TNNT3: variants seen among roughly 807,000 people sequenced by gnomAD.
TNNT3 encodes the protein troponin T3, fast skeletal type, also known as troponin T, fast skeletal muscle.
Under a neutral mutation model 54.2 loss-of-function variants are expected in TNNT3, and 36 were observed. The observed-to-expected ratio is 0.66, with a 90% CI of 0.51 to 0.88. The LOEUF (loss-of-function observed/expected upper bound fraction) is 0.88, where lower values mean the gene tolerates loss of function less well. Ranked by LOEUF, TNNT3 falls within the 40% of genes least tolerant of loss-of-function variation. The probability of loss-of-function intolerance (pLI) is 0.00; values close to 1 mark genes in which losing one functional copy is unlikely to be tolerated. For missense variants in TNNT3, 291 were observed against 331.6 expected (o/e 0.88, Z 0.95); for synonymous variants, 120 against 109.7 (o/e 1.09, Z -0.59).
At chr11:1,936,335 T>C in intron 14 of TNNT3, 1 of 1,506,988 alleles carries the variant, frequency 6.6e-7, no homozygotes, top group South Asian at 1.1e-5. Flanking sequence ...GGCAAAAACC[T>C]GGATCGCTCA....
intron 8 of TNNT3, among the ~76,000 whole-genome samples, chr11:1,930,047 C>T (rs561929640): frequency 4.7e-4 from 72 of 152,214 alleles, no homozygotes; most frequent in Non-Finnish European, 7.8e-4. Flanking sequence ...TTCGGAGGGA[C>T]GCTCAGAGCG....
chr11:1,935,260 G>T, intron 14 of TNNT3: 1 of 395,746 alleles, frequency 2.5e-6, no homozygotes, highest in Non-Finnish European at 4.8e-6. Context: ...TAAGCTTATA[G>T]AAAGTCCCCA....
At chr11:1,925,270 G>C in intron 5 of TNNT3, 154 bp downstream of exon 5, 2 of 1,603,828 alleles carry the variant, frequency 1.2e-6, no homozygotes, top group Non-Finnish European at 1.7e-6. Context: ...AGAAGTCCAT[G>C]AGGAAGGTAT....
chr11:1,933,893 G>C, intron 10 of TNNT3, 38 bp from the exon 11 acceptor site: 1 of 1,611,868 alleles, frequency 6.2e-7, no homozygotes, highest in Non-Finnish European at 8.5e-7. Context: ...CGGAGGAGCC[G>C]GGGACAGGGC....
chr11:1,935,765 G>A lies in TNNT3; in HGVS notation c.681+846G>A, dbSNP rs565438651. On this transcript the variant is annotated intron_variant, in intron 14 of 15. Coordinates refer to ENST00000278317, the MANE Select transcript of TNNT3 (RefSeq NM_006757.4). ...CCAGGGGAGGGCGGCTGTGCCCACG[G>A]GGCTTGTGCTCTACCCAGGTGCAGC... 5.9e-5 allele frequency among the ~76,000 whole-genome samples: 9 copies of A among 152,062 alleles called. No homozygotes were observed. In the East Asian group the frequency reaches 1.8e-3, roughly 30 times the overall value.
chr11:1,930,209 G>A (rs1012693978), intron 8 of TNNT3, among the ~76,000 whole-genome samples: 1 of 152,132 alleles, frequency 6.6e-6, no homozygotes, highest in African/African-American at 2.4e-5. Context: ...GGGTGGGAGA[G>A]AGTTGAGGAA....
At chr11:1,935,142 G>A (rs1854597176) in intron 14 of TNNT3, 5 of 620,856 alleles carry the variant, frequency 8.1e-6, no homozygotes, top group African/African-American at 1.8e-5. Context: ...AGCGCCCTGA[G>A]CGATGAACCT....
chr11:1,936,101 G>T, intron 14 of TNNT3: 8 of 1,200,906 alleles, frequency 6.7e-6, no homozygotes, highest in Non-Finnish European at 9.8e-6. Flanking sequence ...GGCCACAGCG[G>T]GCCCCCAGGG....
intron 6 of TNNT3, among the ~76,000 whole-genome samples, chr11:1,927,507 A>T (rs1851956990): frequency 6.6e-6 from 1 of 151,966 alleles, no homozygotes; most frequent in African/African-American, 2.4e-5. Flanking sequence ...AGCCTCGGAG[A>T]GGCCCCTGGA....
At chr11:1,927,610 G>T (rs781206435) in intron 6 of TNNT3, among the ~76,000 whole-genome samples, 3 of 152,168 alleles carry the variant, frequency 2.0e-5, no homozygotes, top group African/African-American at 7.2e-5. Flanking sequence ...TTGCTGGGCC[G>T]CTCTGGAACC....
rs181586935 is a variant in TNNT3 at position 1,929,878 on chromosome 11, G to C, written c.125+50G>C. The C allele has an allele frequency of 3.3e-3, 4,939 of 1,503,826 alleles. 147 individuals are homozygous for C. The African/African-American group carries it at 0.056, about 17-fold the overall frequency. 93.2% of individuals were successfully genotyped at this position (1,503,826 alleles called of 1,614,324 possible). On this transcript the variant is annotated intron_variant, in intron 8 of 15. Transcript: ENST00000278317. ...CGCTGCTGAGTGTGTTCTGGGGTGG[G>C]GGTGGTCAAGTGAGTGTGGGGTCCT... is the stretch of plus-strand genomic sequence containing the variant.
intron 1 of TNNT3, 160 bp from the exon 2 acceptor site, chr11:1,922,697 C>G (rs1047574699): frequency 2.6e-5 from 18 of 694,048 alleles, no homozygotes; most frequent in Non-Finnish European, 4.4e-5. Flanking sequence ...AGGGGAGGCC[C>G]AAGGAGGTGG....
At chr11:1,927,143 G>A (rs1471595182) in intron 6 of TNNT3, among the ~76,000 whole-genome samples, 3 of 152,204 alleles carry the variant, frequency 2.0e-5, no homozygotes, top group South Asian at 2.1e-4. Flanking sequence ...GTAGGGAGGG[G>A]TGAGGTGGAA....
chr11:1,924,170 C>T (rs1208385627), intron 4 of TNNT3, among the ~76,000 whole-genome samples: 1 of 152,184 alleles, frequency 6.6e-6, no homozygotes, highest in Non-Finnish European at 1.5e-5. Flanking sequence ...CCCCATTTCT[C>T]CACCTCCATC....
intron 7 of TNNT3, among the ~76,000 whole-genome samples, 167 bp downstream of exon 7, chr11:1,929,310 G>A (rs184907842): frequency 1.7e-4 from 26 of 152,216 alleles, no homozygotes; most frequent in Non-Finnish European, 1.5e-4. Context: ...TGCTCCGCAC[G>A]GTGCCGCTGG....
intron 3 of TNNT3, 137 bp from the exon 4 acceptor site, chr11:1,923,418 C>T (rs970586548): frequency 1.2e-5 from 12 of 961,970 alleles, no homozygotes; most frequent in Middle Eastern, 4.3e-4. Flanking sequence ...GGCCCGAGGA[C>T]CCCTGATTCC....
Position 1,933,976 on chromosome 11 carries a change from GAGA to G in TNNT3, c.337_339del (p.Lys113del), listed in dbSNP as rs1435275589. Reference sequence around the variant, plus strand: ...AGCGGAGCAGCAGAGGATTCGTGCAGAGAAGGAGAGGGAGCGCCAGAACAGACT... The same window carrying G: ...AGCGGAGCAGCAGAGGATTCGTGCAGAGGAGAGGGAGCGCCAGAACAGACT... On this transcript the variant is annotated inframe_deletion, in exon 11 of 16. Transcript: ENST00000278317. The G allele has an allele frequency of 3.7e-6, 6 of 1,612,504 alleles. No homozygotes were observed. The highest frequency in any genetic ancestry group is 1.7e-5 in the Admixed American group (1 of 59,994).
At chr11:1,929,881 T>G (rs1589952705) in intron 8 of TNNT3, 53 bp downstream of exon 8, 8 of 1,465,214 alleles carry the variant, frequency 5.5e-6, no homozygotes, top group African/African-American at 1.6e-5. Flanking sequence ...GGGGTGGGGG[T>G]GGTCAAGTGA....
chr11:1,934,406 G>A lies in TNNT3; in HGVS notation c.441G>A (p.Leu147=). 2 of 1,613,850 alleles carry A rather than the reference G, an allele frequency of 1.2e-6. No individual in the cohort carries two copies. The highest frequency in any genetic ancestry group is 1.7e-6 in the Non-Finnish European group (2 of 1,180,030). The change falls in exon 12 of 16, where the codon CTG becomes CTA. Residue 147 remains leucine (L), a synonymous_variant. Coordinates refer to ENST00000278317, the MANE Select transcript of TNNT3 (RefSeq NM_006757.4). ...ACGACCTGAAGAAGAAGAAAGCTCT[G>A]TCTTCCATGGGAGCCAACTACAGCA... ...AEDDLKKKKA[L]SSMGANYSSY... is the part of the protein sequence containing the mutation.
Sources: allele counts gnomAD v4.1 joint callset (sites outside exome capture counted in the v4.1 genomes callset), GRCh38; gene constraint gnomAD v4.1.1; transcripts MANE v1.5; gene names NCBI Gene and HGNC (gene_info 2026-07-23, HGNC 2026-07-21).